The following NPAS3 variants were observed in gnomAD, a reference collection of about 807,000 sequenced individuals.
NPAS3 encodes neuronal PAS domain protein 3, also known as neuronal PAS domain-containing protein 3.
Under a neutral mutation model 73.1 loss-of-function variants are expected in NPAS3, and 14 were observed. The ratio of observed to expected loss-of-function variants is 0.19; its 90% CI spans 0.13 to 0.30. The LOEUF (loss-of-function observed/expected upper bound fraction) is 0.30, where lower values mean the gene tolerates loss of function less well. Ranked by LOEUF, NPAS3 falls within the 10% of genes least tolerant of loss-of-function variation. The probability of loss-of-function intolerance (pLI) is 1.00; values close to 1 mark genes in which losing one functional copy is unlikely to be tolerated. For synonymous variants in NPAS3, 620 were observed against 541.5 expected (o/e 1.14, Z -2.01); for missense variants, 1,096 against 1,250.0 (o/e 0.88, Z 1.86).
At chr14:33,215,108 AC>A in intron 2 of NPAS3, 73 bp from the exon 3 acceptor site, 1 of 1,457,260 alleles carries the variant, frequency 6.9e-7, no homozygotes, top group Non-Finnish European at 9.4e-7. Context: ...AAAAGGAAAT[AC>A]AAAGAAAGCA....
chr14:33,745,401 C>A (rs1021110852), intron 7 of NPAS3, among the ~76,000 whole-genome samples: 1 of 152,310 alleles, frequency 6.6e-6, no homozygotes, highest in East Asian at 1.9e-4. Flanking sequence ...AGGATTTGGA[C>A]TTAGTCCTGC....
intron 2 of NPAS3, among the ~76,000 whole-genome samples, chr14:33,093,522 G>A (rs552033332): frequency 2.4e-4 from 36 of 152,282 alleles, no homozygotes; most frequent in Admixed American, 1.6e-3. Flanking sequence ...TTGTTGGTGG[G>A]AATGTAAACT....
In NPAS3 at chr14:33,148,088, C is replaced by A. The variant is rs1171218221; in HGVS notation, c.141-67094C>A. 2.6e-5 allele frequency among the ~76,000 whole-genome samples: 4 copies of A among 151,992 alleles called. No individual in the cohort carries two copies. In the East Asian group the frequency reaches 7.7e-4, roughly 29 times the overall value. ...TTTATTAATTTCGTGCCCTTGCTAC[C>A]TTTCTTCTCTGAAGGATATTTATAG... On this transcript the variant is annotated intron_variant, in intron 2 of 11. Transcript: ENST00000356141.
chr14:33,103,336 CA>C (rs1215838645), intron 2 of NPAS3, among the ~76,000 whole-genome samples: 2 of 152,132 alleles, frequency 1.3e-5, no homozygotes, highest in African/African-American at 2.4e-5. Flanking sequence ...ACCTGAAAGT[CA>C]ATGGACATGG....
chr14:33,295,095 G>A (rs1302495014), intron 3 of NPAS3, among the ~76,000 whole-genome samples: 1 of 152,148 alleles, frequency 6.6e-6, no homozygotes, highest in Admixed American at 6.6e-5. Context: ...TCAACCAAGT[G>A]TGTTGTTGGG....
intron 3 of NPAS3, among the ~76,000 whole-genome samples, chr14:33,304,524 AT>A (rs964952234): frequency 6.6e-6 from 1 of 151,172 alleles, no homozygotes. Flanking sequence ...CTGTCCATAT[AT>A]TTTTCCCCAT....
chr14:33,025,455 T>G (rs1047274150), intron 1 of NPAS3, among the ~76,000 whole-genome samples: 1 of 152,220 alleles, frequency 6.6e-6, no homozygotes, highest in African/African-American at 2.4e-5. Context: ...TAGATATAGT[T>G]CAGGTGTTAA....
At chr14:33,058,763 G>A (rs1237578455) in intron 2 of NPAS3, among the ~76,000 whole-genome samples, 1 of 152,110 alleles carries the variant, frequency 6.6e-6, no homozygotes, top group African/African-American at 2.4e-5. Context: ...GTGTTTACTG[G>A]GTAGATCATG....
chr14:33,648,726 A>G (rs1834679761), intron 5 of NPAS3, among the ~76,000 whole-genome samples: 2 of 152,168 alleles, frequency 1.3e-5, no homozygotes, highest in Admixed American at 1.3e-4. Context: ...TCCCCTGGGT[A>G]TGGGAAGACA....
intron 3 of NPAS3, among the ~76,000 whole-genome samples, chr14:33,256,178 C>T (rs898282316): frequency 2.0e-5 from 3 of 151,926 alleles, no homozygotes; most frequent in African/African-American, 4.8e-5. Flanking sequence ...GTAAGAGAAC[C>T]GGTGTTAAAA....
intron 3 of NPAS3, among the ~76,000 whole-genome samples, chr14:33,318,307 T>C: frequency 6.6e-6 from 1 of 151,948 alleles, no homozygotes; most frequent in Admixed American, 6.6e-5. Flanking sequence ...TTTATAGAGA[T>C]AGAAAGTAGA....
intron 9 of NPAS3, among the ~76,000 whole-genome samples, chr14:33,780,013 A>T (rs1449886175): frequency 6.6e-6 from 1 of 152,226 alleles, no homozygotes; most frequent in Non-Finnish European, 1.5e-5. Context: ...GAACTCAGAA[A>T]CATGGAGATG....
intron 5 of NPAS3, among the ~76,000 whole-genome samples, chr14:33,605,382 G>A (rs2057524252): frequency 8.3e-6 from 1 of 121,070 alleles, no homozygotes; most frequent in African/African-American, 3.3e-5. Flanking sequence ...AGAGATAAAA[G>A]GCATTCAAAT....
At chr14:33,474,397 A>C (rs1045026730) in intron 4 of NPAS3, among the ~76,000 whole-genome samples, 3 of 152,220 alleles carry the variant, frequency 2.0e-5, no homozygotes, top group Non-Finnish European at 4.4e-5. Flanking sequence ...ATAATCAAGG[A>C]AACTGCCTAT....
At chr14:33,260,262 A>G (rs1310205819) in intron 3 of NPAS3, among the ~76,000 whole-genome samples, 1 of 151,962 alleles carries the variant, frequency 6.6e-6, no homozygotes, top group Non-Finnish European at 1.5e-5. Flanking sequence ...TCTGGAAATG[A>G]TTTGTTGGTA....
At chr14:33,749,236 A>ATATAGAT (rs1030440086) in intron 7 of NPAS3, among the ~76,000 whole-genome samples, 3 of 152,208 alleles carry the variant, frequency 2.0e-5, no homozygotes, top group African/African-American at 7.2e-5. Flanking sequence ...TTTAAACACA[A>ATATAGAT]TATAGATTCA....
intron 4 of NPAS3, among the ~76,000 whole-genome samples, chr14:33,452,396 GT>G (rs1437276909): frequency 2.0e-5 from 3 of 152,132 alleles, no homozygotes; most frequent in Admixed American, 6.5e-5. Context: ...TAATTTTCTA[GT>G]TTAATTTGAA....
intron 4 of NPAS3, among the ~76,000 whole-genome samples, chr14:33,542,329 C>A (rs2054559300): frequency 6.6e-6 from 1 of 151,998 alleles, no homozygotes; most frequent in Non-Finnish European, 1.5e-5. Flanking sequence ...TTTTTTTGTC[C>A]TCGAGAGTCC....
At chr14:33,121,786 G>T (rs1225816064) in intron 2 of NPAS3, among the ~76,000 whole-genome samples, 1 of 152,154 alleles carries the variant, frequency 6.6e-6, no homozygotes, top group Non-Finnish European at 1.5e-5. Context: ...AAGCTTAAAT[G>T]TTCAATTGGA....
Sources: gnomAD v4.1 joint callset for allele counts (sites outside exome capture counted in the v4.1 genomes callset) on GRCh38, gnomAD v4.1.1 for gene constraint, MANE v1.5 for transcripts, NCBI Gene and HGNC (gene_info 2026-07-23, HGNC 2026-07-21) for gene names.